The following CBFB variants were observed in gnomAD, a reference collection of about 807,000 sequenced individuals.
CBFB encodes the protein CBF-beta.
In CBFB, 9 loss-of-function variants were observed where a neutral mutation model predicts 30.4. The ratio of observed to expected loss-of-function variants is 0.30; its 90% CI spans 0.18 to 0.52. The LOEUF (loss-of-function observed/expected upper bound fraction) is 0.52. Ranked by LOEUF, CBFB falls within the 20% of genes least tolerant of loss-of-function variation. The probability of loss-of-function intolerance (pLI) is 0.97; values close to 1 mark genes in which losing one functional copy is unlikely to be tolerated. For synonymous variants in CBFB, 94 were observed against 84.0 expected (o/e 1.12, Z -0.65); for missense variants, 170 against 244.0 (o/e 0.70, Z 2.02).
At chr16:67,088,589 C>T (rs1321271058) in intron 5 of CBFB, among the ~76,000 whole-genome samples, 1 of 152,160 alleles carries the variant, frequency 6.6e-6, no homozygotes, top group Non-Finnish European at 1.5e-5. Context: ...ATAAAATCTG[C>T]CAGGAGAGAT....
chr16:67,090,203 T>C (rs925838479), intron 5 of CBFB, among the ~76,000 whole-genome samples: 2 of 152,222 alleles, frequency 1.3e-5, no homozygotes, highest in African/African-American at 4.8e-5. Flanking sequence ...GTTCTTGACC[T>C]GGGTGCTAGT....
chr16:67,093,731 T>A (rs1481372280), intron 5 of CBFB: 1 of 152,158 alleles, frequency 6.6e-6, no homozygotes, highest in Non-Finnish European at 1.5e-5. Flanking sequence ...AAAACCCCAA[T>A]TCTGAAATAA....
In CBFB at chr16:67,045,754, A is replaced by G. The variant is rs62057941; in HGVS notation, c.282+8999A>G. Reference sequence around the variant, plus strand: ...GAAGGCAGAAATAATATGTCTGAGAAGAGCATCCTTCACTCTTCCCCTCCT... The same window carrying G: ...GAAGGCAGAAATAATATGTCTGAGAGGAGCATCCTTCACTCTTCCCCTCCT... On this transcript the variant is annotated intron_variant, in intron 3 of 5. Transcript: ENST00000412916. Among the ~76,000 whole-genome samples, 3 of 151,984 alleles carry G rather than the reference A, an allele frequency of 2.0e-5. No individual in the cohort carries two copies. In the South Asian group the frequency reaches 6.2e-4, roughly 32 times the overall value.
rs115130360 is a variant in CBFB, at chr16:67,091,615, A to T, written c.496-7095A>T. Among the ~76,000 whole-genome samples the T allele has an allele frequency of 7.9e-3, 1,196 of 152,296 alleles. 12 individuals carry two copies. The highest frequency in any genetic ancestry group is 0.028 in the African/African-American group (1,154 of 41,554). On this transcript the variant is annotated intron_variant, in intron 5 of 5. Transcript: ENST00000412916. Reference sequence around the variant, plus strand: ...TTACTTTATATTTGAAGTTTTCCTTAGGTTGCATACTTTGTAAGAACTATA... The same window carrying T: ...TTACTTTATATTTGAAGTTTTCCTTTGGTTGCATACTTTGTAAGAACTATA...
intron 3 of CBFB, among the ~76,000 whole-genome samples, chr16:67,051,155 C>T (rs1175989884): frequency 6.6e-6 from 1 of 152,098 alleles, no homozygotes; most frequent in Non-Finnish European, 1.5e-5. Context: ...AGTTATTTTT[C>T]ATTTGTTAGA....
intron 3 of CBFB, among the ~76,000 whole-genome samples, chr16:67,037,102 T>G (rs1966453228): frequency 6.6e-6 from 1 of 152,126 alleles, no homozygotes; most frequent in African/African-American, 2.4e-5. Context: ...TTTCACCATG[T>G]TGGCCAGGCT....
rs145978122 is a variant in CBFB at position 67,053,520 on chromosome 16, G to A, written c.283-13162G>A. On this transcript the variant is annotated intron_variant, in intron 3 of 5. Transcript: ENST00000412916. ...TCCACACTCTTCGGCCTCCCAAAGTGCTGGGATTACAAGCGTGAGCCACCG... is the reference window on the plus strand; with the variant it reads ...TCCACACTCTTCGGCCTCCCAAAGTACTGGGATTACAAGCGTGAGCCACCG... Among the ~76,000 whole-genome samples, 367 of 152,100 alleles carry A rather than the reference G, an allele frequency of 2.4e-3. 3 individuals carry two copies. Among genetic ancestry groups the A allele is most frequent in the Middle Eastern group, 0.01 (3 of 294 alleles).
intron 2 of CBFB, among the ~76,000 whole-genome samples, chr16:67,031,637 AG>A (rs1163856739): frequency 1.6e-4 from 25 of 152,240 alleles, no homozygotes; most frequent in African/African-American, 5.5e-4. Flanking sequence ...CAGCCTCCTG[AG>A]TAGCTGGGAT....
chr16:67,084,000 C>T (rs1014894130), intron 5 of CBFB, among the ~76,000 whole-genome samples: 2 of 151,560 alleles, frequency 1.3e-5, no homozygotes, highest in Admixed American at 1.3e-4. Context: ...AAGCCCCCAT[C>T]TCTGCAAAAA....
intron 3 of CBFB, among the ~76,000 whole-genome samples, chr16:67,061,666 A>G (rs911099328): frequency 6.6e-6 from 1 of 152,360 alleles, no homozygotes; most frequent in Non-Finnish European, 1.5e-5. Context: ...GAGAACATCT[A>G]AATAAATCAG....
At chr16:67,076,646 C>G (rs1961405896) in intron 4 of CBFB, among the ~76,000 whole-genome samples, 1 of 152,098 alleles carries the variant, frequency 6.6e-6, no homozygotes, top group Admixed American at 6.6e-5. Flanking sequence ...CTGAAATGCC[C>G]AAAGTCTCAA....
chr16:67,046,362 A>G (rs1018268470), intron 3 of CBFB, among the ~76,000 whole-genome samples: 7 of 152,086 alleles, frequency 4.6e-5, no homozygotes, highest in Non-Finnish European at 8.8e-5. Flanking sequence ...TGGCCTCTCA[A>G]AGTGCTGGGA....
chr16:67,068,938 C>A (rs1191652972), intron 4 of CBFB, among the ~76,000 whole-genome samples: 2 of 152,174 alleles, frequency 1.3e-5, no homozygotes, highest in East Asian at 3.9e-4. Context: ...TTGAGGCTGG[C>A]CGTGGTTGGC....
At chr16:67,051,603 A>G (rs1309208816) in intron 3 of CBFB, among the ~76,000 whole-genome samples, 2 of 152,036 alleles carry the variant, frequency 1.3e-5, no homozygotes, top group African/African-American at 2.4e-5. Context: ...TTAGTTTTCT[A>G]AGTGTCATCA....
At chr16:67,041,768 C>CTTTTT (rs140180530) in intron 3 of CBFB, among the ~76,000 whole-genome samples, 3 of 98,880 alleles carry the variant, frequency 3.0e-5, no homozygotes, top group Non-Finnish European at 4.1e-5. Flanking sequence ...TGTTTCTTTA[C>CTTTTT]TTTTTTTTTT....
intron 5 of CBFB, among the ~76,000 whole-genome samples, chr16:67,096,478 T>G (rs1962049626): frequency 6.6e-6 from 1 of 151,550 alleles, no homozygotes; most frequent in South Asian, 2.1e-4. Context: ...TATATATATA[T>G]GTATATATAT....
intron 3 of CBFB, among the ~76,000 whole-genome samples, chr16:67,041,768 C>CT (rs140180530): frequency 0.22 from 22,239 of 98,862 alleles, 3,866 homozygotes; most frequent in African/African-American, 0.5. Context: ...TGTTTCTTTA[C>CT]TTTTTTTTTT....
chr16:67,039,661 G>A (rs573053226), intron 3 of CBFB, among the ~76,000 whole-genome samples: 18 of 152,264 alleles, frequency 1.2e-4, no homozygotes, highest in African/African-American at 3.6e-4. Flanking sequence ...TAGGAAGAGT[G>A]ATAGAACTAT....
chr16:67,032,270 A>G (rs1317953585), intron 2 of CBFB, among the ~76,000 whole-genome samples: 1 of 152,220 alleles, frequency 6.6e-6, no homozygotes, highest in African/African-American at 2.4e-5. Context: ...GGCTGCAGTT[A>G]GCCATGATCG....
Sources: gnomAD v4.1 joint callset for allele counts (sites outside exome capture counted in the v4.1 genomes callset) on GRCh38, gnomAD v4.1.1 for gene constraint, MANE v1.5 for transcripts, NCBI Gene and HGNC (gene_info 2026-07-23, HGNC 2026-07-21) for gene names.